TRPM7: variants seen among roughly 807,000 people sequenced by gnomAD.
TRPM7 encodes LTRPC ion channel family member 7.
Under a neutral mutation model 229.7 loss-of-function variants are expected in TRPM7, and 134 were observed. The ratio of observed to expected loss-of-function variants is 0.58; its 90% CI spans 0.51 to 0.67. TRPM7 has a LOEUF of 0.67. TRPM7 is among the 30% of genes least tolerant of loss of function. TRPM7 has a pLI of 0.00. For synonymous variants in TRPM7, 699 were observed against 715.2 expected, an observed-to-expected ratio of 0.98 and a Z score of 0.36; for missense variants, 1,901 against 2,210.0, an observed-to-expected ratio of 0.86 and a Z score of 2.80.
At chr15:50,573,028 C>A (rs146201680) in intron 36 of TRPM7, among the ~76,000 whole-genome samples, 164 of 152,328 alleles carry the variant, frequency 1.1e-3, no homozygotes, top group African/African-American at 3.8e-3. Flanking sequence ...TTACTCCAAG[C>A]AAACCTGCCC....
At chr15:50,678,663 CTA>C (rs1350888074) in intron 1 of TRPM7, among the ~76,000 whole-genome samples, 1 of 151,890 alleles carries the variant, frequency 6.6e-6, no homozygotes, top group Non-Finnish European at 1.5e-5. Flanking sequence ...GATACGAACC[CTA>C]TGAGAGTTTT....
chr15:50,620,721 A>C lies in TRPM7; in HGVS notation c.1441-923T>G, dbSNP rs147312624. 6.2e-3 allele frequency among the ~76,000 whole-genome samples: 947 copies of C among 152,278 alleles called. 16 individuals carry two copies. The highest frequency in any genetic ancestry group is 0.059 in the East Asian group (305 of 5,168). On this transcript the variant is annotated intron_variant, in intron 12 of 38. Transcript: ENST00000646667. Reference sequence around the variant, plus strand: ...AGAAGCGGGTGGATCACCTGAGGTCAGGAGTTCGAGACCAGCCTGACCAAC... The same window carrying C: ...AGAAGCGGGTGGATCACCTGAGGTCCGGAGTTCGAGACCAGCCTGACCAAC...
intron 27 of TRPM7, among the ~76,000 whole-genome samples, chr15:50,587,002 G>A (rs1049641447): frequency 3.3e-5 from 5 of 152,068 alleles, no homozygotes; most frequent in Admixed American, 6.6e-5. Flanking sequence ...CTGGCAGAAC[G>A]AGACTCCGTC....
chr15:50,666,618 A>G (rs2061888655), intron 1 of TRPM7, among the ~76,000 whole-genome samples: 1 of 152,182 alleles, frequency 6.6e-6, no homozygotes, highest in African/African-American at 2.4e-5. Context: ...AGCCTGACCA[A>G]CATGGAGAAA....
intron 7 of TRPM7, among the ~76,000 whole-genome samples, chr15:50,635,227 A>T (rs2060854683): frequency 6.8e-6 from 1 of 148,110 alleles, no homozygotes; most frequent in Non-Finnish European, 1.5e-5. Context: ...CTGAGGCAGG[A>T]GAATCACCTG....
At chr15:50,615,309 T>C (rs938768000) in intron 13 of TRPM7, among the ~76,000 whole-genome samples, 3 of 151,936 alleles carry the variant, frequency 2.0e-5, no homozygotes, top group Admixed American at 6.6e-5. Context: ...CAGAAATACA[T>C]GTTAAGTATT....
At chr15:50,640,370 G>C (rs1229052973) in intron 5 of TRPM7, among the ~76,000 whole-genome samples, 2 of 151,850 alleles carry the variant, frequency 1.3e-5, no homozygotes, top group African/African-American at 4.8e-5. Flanking sequence ...TTGACCTCCC[G>C]GGCTCAAGTG....
chr15:50,620,659 G>A (rs1027939036), intron 12 of TRPM7, among the ~76,000 whole-genome samples: 1 of 152,064 alleles, frequency 6.6e-6, no homozygotes, highest in Admixed American at 6.6e-5. Flanking sequence ...GGCTGGGCGC[G>A]GTGGCTCAAG....
At chr15:50,639,258 T>C (rs1457021275) in intron 6 of TRPM7, among the ~76,000 whole-genome samples, 166 bp downstream of exon 6, 1 of 152,236 alleles carries the variant, frequency 6.6e-6, no homozygotes, top group Non-Finnish European at 1.5e-5. Context: ...GAATTATTTA[T>C]ATTTATGCAT....
chr15:50,640,222 G>C (rs1411498270), intron 5 of TRPM7, among the ~76,000 whole-genome samples: 2 of 152,042 alleles, frequency 1.3e-5, no homozygotes, highest in Non-Finnish European at 2.9e-5. Flanking sequence ...AAATGAGAGA[G>C]AAAAGTATAA....
rs895218278 is a variant in TRPM7 at position 50,611,340 on chromosome 15, C to A, written c.2052-19G>T. ...AAAATCACTATAAAAAGATAAAAGC[C>A]AAAATATACTCAGATTAACAAACTG... On this transcript the variant is annotated intron_variant, in intron 16 of 38. Transcript: ENST00000646667. The A allele has an allele frequency of 1.3e-6, 2 of 1,591,098 alleles. No individual in the cohort carries two copies. Among genetic ancestry groups the A allele is most frequent in the African/African-American group, 2.7e-5 (2 of 74,228 alleles).
chr15:50,674,846 A>G (rs186372155), intron 1 of TRPM7, among the ~76,000 whole-genome samples: 2 of 152,228 alleles, frequency 1.3e-5, no homozygotes, highest in Admixed American at 1.3e-4. Context: ...CAACACTTCG[A>G]ATATATCATC....
At chr15:50,573,189 A>G (rs572742531) in intron 36 of TRPM7, among the ~76,000 whole-genome samples, 1 of 152,260 alleles carries the variant, frequency 6.6e-6, no homozygotes, top group Non-Finnish European at 1.5e-5. Context: ...TGCTGAATCT[A>G]CTTCGCCTCC....
At chr15:50,666,468 GGAAGAGGAA>G (rs746549922) in intron 1 of TRPM7, among the ~76,000 whole-genome samples, 162 of 151,442 alleles carry the variant, frequency 1.1e-3, no homozygotes, top group Non-Finnish European at 1.8e-3. Flanking sequence ...AAGAAGAGGA[GGAAGAGGAA>G]GAAGAGGAAG....
intron 22 of TRPM7, among the ~76,000 whole-genome samples, chr15:50,596,980 C>T (rs2059649516): frequency 6.6e-6 from 1 of 152,288 alleles, no homozygotes; most frequent in South Asian, 2.1e-4. Flanking sequence ...GAACTCCTGA[C>T]CTCGTGATCT....
chr15:50,589,967 C>T (rs1442966119), intron 26 of TRPM7, among the ~76,000 whole-genome samples: 1 of 152,080 alleles, frequency 6.6e-6, no homozygotes, highest in Non-Finnish European at 1.5e-5. Context: ...AAGCAATTCT[C>T]CTGCCTCAGC....
At chr15:50,598,502 C>T (rs1284053145) in intron 22 of TRPM7, among the ~76,000 whole-genome samples, 1 of 152,180 alleles carries the variant, frequency 6.6e-6, no homozygotes, top group African/African-American at 2.4e-5. Context: ...AGTATTCACA[C>T]AGGATCATTA....
At chr15:50,645,293 C>T (rs1567072952) in intron 4 of TRPM7, among the ~76,000 whole-genome samples, 1 of 152,042 alleles carries the variant, frequency 6.6e-6, no homozygotes, top group East Asian at 1.9e-4. Flanking sequence ...CTGCCTGCCT[C>T]GGCCTCCCAA....
intron 13 of TRPM7, among the ~76,000 whole-genome samples, chr15:50,617,804 G>A (rs564447682): frequency 7.9e-5 from 12 of 151,724 alleles, no homozygotes; most frequent in African/African-American, 2.9e-4. Flanking sequence ...CTACAGGCAC[G>A]TGACAACATG....
Sources: gnomAD v4.1 joint callset for allele counts (sites outside exome capture counted in the v4.1 genomes callset) on GRCh38, gnomAD v4.1.1 for gene constraint, MANE v1.5 for transcripts, NCBI Gene and HGNC (gene_info 2026-07-23, HGNC 2026-07-21) for gene names.